The following MAGI2 variants were observed in gnomAD, a reference collection of about 807,000 sequenced individuals.
MAGI2 encodes membrane-associated guanylate kinase, WW and PDZ domain-containing protein 2.
A neutral mutation model predicts 133.3 loss-of-function variants in MAGI2; 35 were observed. That is an observed-to-expected ratio of 0.26 (90% CI 0.20 to 0.35). The LOEUF (loss-of-function observed/expected upper bound fraction) is 0.35. Ranked by LOEUF, MAGI2 falls within the 10% of genes least tolerant of loss-of-function variation. The pLI is 1.00. For synonymous variants in MAGI2, 729 were observed against 710.6 expected (o/e 1.03, Z -0.41); for missense variants, 1,636 against 1,863.4 (o/e 0.88, Z 2.25).
At chr7:78,969,603 G>T (rs184945912) in intron 2 of MAGI2, among the ~76,000 whole-genome samples, 7 of 151,996 alleles carry the variant, frequency 4.6e-5, no homozygotes, top group African/African-American at 1.4e-4. Flanking sequence ...TTTTCTTTAT[G>T]CAGTTTATAG....
intron 6 of MAGI2, among the ~76,000 whole-genome samples, chr7:78,410,814 T>G (rs532409154): frequency 6.6e-6 from 1 of 151,840 alleles, no homozygotes; most frequent in Non-Finnish European, 1.5e-5. Flanking sequence ...GACTAGACAG[T>G]AGTCAGTCAA....
intron 1 of MAGI2, among the ~76,000 whole-genome samples, chr7:79,016,654 C>A (rs1253337317): frequency 6.6e-6 from 1 of 152,118 alleles, no homozygotes; most frequent in Non-Finnish European, 1.5e-5. Flanking sequence ...GATGCGTGTG[C>A]ACCATGCTGT....
chr7:78,873,527 A>G (rs1004540602), intron 2 of MAGI2, among the ~76,000 whole-genome samples: 5 of 151,906 alleles, frequency 3.3e-5, no homozygotes, highest in African/African-American at 1.2e-4. Context: ...ACTGTCTCCC[A>G]TCACCCCCAG....
chr7:78,936,709 T>C (rs576872838), intron 2 of MAGI2, among the ~76,000 whole-genome samples: 5 of 152,032 alleles, frequency 3.3e-5, no homozygotes, highest in Non-Finnish European at 7.4e-5. Flanking sequence ...TATATTAGGA[T>C]TGACAAGTAA....
chr7:78,944,979 T>C (rs757227592), intron 2 of MAGI2, among the ~76,000 whole-genome samples: 38 of 152,048 alleles, frequency 2.5e-4, no homozygotes, highest in South Asian at 6.2e-4. Context: ...GCTCAGGCGA[T>C]CTGTCCGTCT....
intron 3 of MAGI2, among the ~76,000 whole-genome samples, chr7:78,602,109 T>G (rs1473914075): frequency 6.6e-6 from 1 of 152,114 alleles, no homozygotes; most frequent in Non-Finnish European, 1.5e-5. Context: ...TTTCTCTTCT[T>G]TCACTCTCTC....
intron 2 of MAGI2, among the ~76,000 whole-genome samples, chr7:78,675,844 T>C (rs572056367): frequency 1.1e-4 from 16 of 152,276 alleles, no homozygotes; most frequent in Admixed American, 9.8e-4. Context: ...CAGTTAATGA[T>C]GCACCTGAGG....
chr7:79,022,940 C>T (rs1809491269), intron 1 of MAGI2, among the ~76,000 whole-genome samples: 1 of 152,024 alleles, frequency 6.6e-6, no homozygotes, highest in Non-Finnish European at 1.5e-5. Flanking sequence ...AGAGCTGGTA[C>T]TATTCTAAAA....
At chr7:78,520,330 G>C (rs993581192) in intron 4 of MAGI2, among the ~76,000 whole-genome samples, 1 of 151,970 alleles carries the variant, frequency 6.6e-6, no homozygotes, top group Non-Finnish European at 1.5e-5. Context: ...GAAGTTTTTC[G>C]CTGATAAAAA....
intron 20 of MAGI2, among the ~76,000 whole-genome samples, chr7:78,091,346 A>G (rs1319287428): frequency 1.3e-5 from 2 of 152,156 alleles, no homozygotes; most frequent in African/African-American, 4.8e-5. Flanking sequence ...CCCTTCTGCC[A>G]TCTGCCATGT....
chr7:79,303,895 C>A (rs1236774010), intron 1 of MAGI2, among the ~76,000 whole-genome samples: 4 of 152,110 alleles, frequency 2.6e-5, no homozygotes, highest in African/African-American at 4.8e-5. Context: ...TAGATCATAT[C>A]TCCTTCAGTC....
At chr7:78,162,814 G>A (rs1584215430) in intron 15 of MAGI2, among the ~76,000 whole-genome samples, 1 of 152,192 alleles carries the variant, frequency 6.6e-6, no homozygotes, top group Middle Eastern at 3.4e-3. Flanking sequence ...CTTGTTCTGG[G>A]CCCTTGACAC....
At chr7:78,726,524 CTCTA>C (rs1428015482) in intron 2 of MAGI2, among the ~76,000 whole-genome samples, 1 of 152,158 alleles carries the variant, frequency 6.6e-6, no homozygotes, top group Admixed American at 6.5e-5. Context: ...GTAAACAACT[CTCTA>C]TCAGTTTCCT....
At chr7:78,349,656 C>G (rs925038385) in intron 7 of MAGI2, among the ~76,000 whole-genome samples, 3 of 152,152 alleles carry the variant, frequency 2.0e-5, no homozygotes, top group Non-Finnish European at 4.4e-5. Context: ...ACCCCACAGA[C>G]AGCAAAAGCA....
intron 2 of MAGI2, among the ~76,000 whole-genome samples, chr7:78,794,534 A>G (rs1787434124): frequency 6.6e-6 from 1 of 151,808 alleles, no homozygotes; most frequent in Non-Finnish European, 1.5e-5. Flanking sequence ...AGGTAAAGAG[A>G]TGGTTTCTTC....
chr7:78,443,464 G>T (rs1193008854), intron 6 of MAGI2, among the ~76,000 whole-genome samples: 2 of 152,118 alleles, frequency 1.3e-5, no homozygotes, highest in Admixed American at 6.6e-5. Context: ...AGTTCATGAT[G>T]CTATCCCCAG....
chr7:79,049,461 A>T (rs529687305), intron 1 of MAGI2, among the ~76,000 whole-genome samples: 2 of 152,308 alleles, frequency 1.3e-5, no homozygotes, highest in Admixed American at 1.3e-4. Flanking sequence ...GAGAAGTTAT[A>T]CACAGGCTAG....
At chr7:79,087,631 C>A (rs1816641796) in intron 1 of MAGI2, among the ~76,000 whole-genome samples, 1 of 151,878 alleles carries the variant, frequency 6.6e-6, no homozygotes, top group South Asian at 2.1e-4. Context: ...GGTTTTAGGT[C>A]CTACGTTTAA....
At chr7:78,834,185 T>C (rs994837769) in intron 2 of MAGI2, among the ~76,000 whole-genome samples, 3 of 152,194 alleles carry the variant, frequency 2.0e-5, no homozygotes, top group African/African-American at 7.2e-5. Context: ...TATCAGAGCT[T>C]TAAAAAACTT....
Sources: allele counts gnomAD v4.1 joint callset (sites outside exome capture counted in the v4.1 genomes callset), GRCh38; gene constraint gnomAD v4.1.1; transcripts MANE v1.5; gene names NCBI Gene and HGNC (gene_info 2026-07-23, HGNC 2026-07-21).